The following PYGL variants were observed in gnomAD, a reference collection of about 807,000 sequenced individuals.
PYGL encodes glycogen phosphorylase L.
Under a neutral mutation model 100.1 loss-of-function variants are expected in PYGL, and 90 were observed. The ratio of observed to expected loss-of-function variants is 0.90; its 90% CI spans 0.76 to 1.07. The LOEUF is 1.07. PYGL is among the 50% of genes least tolerant of loss of function. The pLI is 0.00. For synonymous variants in PYGL, 373 were observed against 393.0 expected (o/e 0.95, Z 0.60); for missense variants, 1,016 against 1,057.6 (o/e 0.96, Z 0.55).
chr14:50,923,651 A>G (rs1175732789), intron 5 of PYGL: 3 of 240,654 alleles, frequency 1.2e-5, no homozygotes, highest in South Asian at 1.1e-4. Flanking sequence ...CAAAGAGGTA[A>G]GCATGCTGGT....
chr14:50,915,167 CCTTTT>C lies in PYGL; in HGVS notation c.1403+164_1403+168del, dbSNP rs200440132. 1,832 of 901,974 alleles carry C rather than the reference CCTTTT, an allele frequency of 2.0e-3. 13 individuals are homozygous for C. The African/African-American group carries it at 0.028, about 14-fold the overall frequency. 55.9% of individuals were successfully genotyped at this position (901,974 alleles called of 1,614,324 possible). ...CTGAGAGGAAAGCATTCTTTTCTTTCCTTTTCTTTTCTTTTTTTTTTTTAGGCAAG... is the reference window on the plus strand; with the variant it reads ...CTGAGAGGAAAGCATTCTTTTCTTTCCTTTTCTTTTTTTTTTTTAGGCAAG... On this transcript the variant is annotated intron_variant, in intron 11 of 19. Coordinates refer to ENST00000216392, the MANE Select transcript of PYGL (RefSeq NM_002863.5).
Position 50,916,734 on chromosome 14 carries a change from C to G in PYGL, c.1000G>C (p.Val334Leu), listed in dbSNP as rs2142798340. Reference sequence around the variant, plus strand: ...TGAGTGTCATTCAGCTGGATGGCCACCTGGGTGGGGAAAGACATCAACATG... The same window carrying G: ...TGAGTGTCATTCAGCTGGATGGCCAGCTGGGTGGGGAAAGACATCAACATG... ...GTVFDAFPDQ[V>L]AIQLNDTHPA... is the part of the protein sequence containing the mutation. The change falls in exon 9 of 20, where the codon GTG (valine) becomes CTG (leucine). Residue 334 changes from valine (V) to leucine (L), a missense_variant and splice_region_variant. By Grantham distance (32) the Val-to-Leu change is conservative. Coordinates refer to ENST00000216392, the MANE Select transcript of PYGL (RefSeq NM_002863.5). The G allele has an allele frequency of 6.2e-7, 1 of 1,613,346 alleles. No individual in the cohort carries two copies. The highest frequency in any genetic ancestry group is 1.1e-5 in the South Asian group (1 of 91,046).
intron 1 of PYGL, among the ~76,000 whole-genome samples, chr14:50,938,798 A>G (rs1034925560): frequency 8.5e-5 from 13 of 152,078 alleles, no homozygotes; most frequent in Admixed American, 3.3e-4. Flanking sequence ...CTGATCATGA[A>G]CCTCATGAAT....
rs3783274 is a variant in PYGL, at chr14:50,928,273, T to A, written c.528+3400A>T. Among the ~76,000 whole-genome samples the A allele has an allele frequency of 3.3e-5, 5 of 152,126 alleles. No homozygotes were observed. In the East Asian group the frequency reaches 7.7e-4, roughly 24 times the overall value. ...TCGACAAAGAACCAGTGAACAGTCA[T>A]CAGGAGAGCCCATGAACTTGGCTTT... On this transcript the variant is annotated intron_variant, in intron 4 of 19. Transcript: ENST00000216392.
At position 50,936,789 on chromosome 14, in the gene PYGL, TC is replaced by T. The variant is rs1302783177; in HGVS notation, c.345+946del. On this transcript the variant is annotated intron_variant, in intron 2 of 19. Transcript: ENST00000216392. ...CTGCGTAACAGGACGAGACTCCGTC[TC>T]AAAAAAAAAAAAAAGTATGATATAA... Among the ~76,000 whole-genome samples the T allele has an allele frequency of 8.4e-5, 11 of 131,084 alleles. No individual in the cohort carries two copies. In the East Asian group the frequency reaches 2.4e-3, roughly 29 times the overall value. 86.0% of individuals were successfully genotyped at this position (131,084 alleles called of 152,430 possible). A position where few individuals can be genotyped will look rare whatever the true frequency, so the allele number is the denominator to read the frequency against.
intron 10 of PYGL, 50 bp from the exon 11 acceptor site, chr14:50,915,549 C>T (rs1292521454): frequency 1.2e-6 from 2 of 1,604,964 alleles, no homozygotes; most frequent in Admixed American, 3.3e-5. Context: ...TTTAATGCAA[C>T]ATTGGGATAA....
chr14:50,929,457 A>G (rs1162115265), intron 4 of PYGL, among the ~76,000 whole-genome samples: 1 of 152,204 alleles, frequency 6.6e-6, no homozygotes, highest in Non-Finnish European at 1.5e-5. Context: ...GGAGAGAAAG[A>G]GATAGTTTCC....
At position 50,913,018 on chromosome 14, in the gene PYGL, G is replaced by A. The variant is rs768433434; in HGVS notation, c.1620+11C>T. The A allele has an allele frequency of 2.5e-6, 4 of 1,613,432 alleles. No individual in the cohort carries two copies. The highest frequency in any genetic ancestry group is 3.4e-6 in the Non-Finnish European group (4 of 1,179,490). On this transcript the variant is annotated intron_variant, in intron 13 of 19. Transcript: ENST00000216392. ...AGTGCCCAGGAGGGGACCCACACCTGGAAGGCTCACCTGCTTCACCTTGGC... is the reference window on the plus strand; with the variant it reads ...AGTGCCCAGGAGGGGACCCACACCTAGAAGGCTCACCTGCTTCACCTTGGC...
chr14:50,930,826 T>C (rs1235919664), intron 4 of PYGL, among the ~76,000 whole-genome samples: 3 of 152,092 alleles, frequency 2.0e-5, no homozygotes, highest in Admixed American at 1.3e-4. Flanking sequence ...CAATGGTGTA[T>C]GTATGAGACA....
chr14:50,934,565 T>C (rs1194566242), intron 3 of PYGL, among the ~76,000 whole-genome samples: 1 of 152,170 alleles, frequency 6.6e-6, no homozygotes, highest in Non-Finnish European at 1.5e-5. Context: ...ATATTTTCTA[T>C]GAATATATAT....
At chr14:50,928,169 G>C (rs1335570118) in intron 4 of PYGL, among the ~76,000 whole-genome samples, 1 of 152,200 alleles carries the variant, frequency 6.6e-6, no homozygotes, top group Non-Finnish European at 1.5e-5. Context: ...CCAGCCAGCA[G>C]GGATGGAGAG....
chr14:50,908,338 CTTTTA>C lies in PYGL; in HGVS notation c.2313-6_2313-2del. ...TTCGTAGTCTGCAAAGACTTTAAAC[CTTTTA>C]TTTTGTGAGTGGAAGAGGAAAAAAA... On this transcript the variant is annotated splice_acceptor_variant and splice_polypyrimidine_tract_variant and intron_variant, in intron 18 of 19. Coordinates refer to ENST00000216392, the MANE Select transcript of PYGL (RefSeq NM_002863.5). LOFTEE classifies it high-confidence loss of function. The C allele has an allele frequency of 8.2e-6, 13 of 1,592,850 alleles. No homozygotes were observed. The highest frequency in any genetic ancestry group is 1.0e-5 in the Non-Finnish European group (12 of 1,160,788).
At position 50,908,975 on chromosome 14, in the gene PYGL, G is replaced by T. The variant is rs1221948408; in HGVS notation, c.2178-20C>A. On this transcript the variant is annotated intron_variant, in intron 17 of 19. Coordinates refer to ENST00000216392, the MANE Select transcript of PYGL (RefSeq NM_002863.5). ...TCGTACCTGTGGGGTAGGGGTGGGTGGGTGATAAAAAAAGGCTCTGTTATT... is the reference window on the plus strand; with the variant it reads ...TCGTACCTGTGGGGTAGGGGTGGGTTGGTGATAAAAAAAGGCTCTGTTATT... 4 of 1,562,026 alleles carry T rather than the reference G, an allele frequency of 2.6e-6. No homozygotes were observed. In the South Asian group the frequency reaches 3.3e-5, roughly 13 times the overall value.
chr14:50,906,130 T>C (rs1358966837), intron 19 of PYGL, among the ~76,000 whole-genome samples: 1 of 152,224 alleles, frequency 6.6e-6, no homozygotes, highest in Non-Finnish European at 1.5e-5. Flanking sequence ...ACAGGGTCAA[T>C]TGAGTCTTTA....
chr14:50,908,222 T>A (rs150275482), intron 19 of PYGL, 49 bp downstream of exon 19: 1 of 1,449,890 alleles, frequency 6.9e-7, no homozygotes, highest in Admixed American at 1.7e-5. Context: ...CACATTTTAA[T>A]GAATCATAGT....
intron 1 of PYGL, among the ~76,000 whole-genome samples, chr14:50,940,117 G>C (rs1326972043): frequency 6.6e-6 from 1 of 152,090 alleles, no homozygotes; most frequent in East Asian, 1.9e-4. Flanking sequence ...ACCTTCTCTG[G>C]GGCAGACATA....
In PYGL at chr14:50,937,759, C is replaced by A. The variant is rs745625131; in HGVS notation, c.322G>T (p.Ala108Ser). ...NTMINLGLQN[A>S]CDEAIYQLGL... is the part of the protein sequence containing the mutation. ...ACCTGGTAAATGGCCTCATCACAGG[C>A]ATTTTGCAGACCGAGGTTGATCATG... The change falls in exon 2 of 20, where the codon GCC becomes TCC. Residue 108 changes from alanine (A) to serine (S), a missense_variant. By Grantham distance (99) the Ala-to-Ser change is moderately conservative. Transcript: ENST00000216392. 6.2e-7 allele frequency: 1 copy of A among 1,613,940 alleles called. No homozygotes were observed. Among genetic ancestry groups the A allele is most frequent in the African/African-American group, 1.3e-5 (1 of 75,022 alleles).
rs945523105 is a variant in PYGL at position 50,914,695 on chromosome 14, A to G, written c.1518+6T>C. On this transcript the variant is annotated splice_donor_region_variant and intron_variant, in intron 12 of 19. Transcript: ENST00000216392. Reference sequence around the variant, plus strand: ...GCCTCCTTTCCTCTCAGCACTTCCCAGTTACCTCTGCTATGAGCTCTGCAA... The same window carrying G: ...GCCTCCTTTCCTCTCAGCACTTCCCGGTTACCTCTGCTATGAGCTCTGCAA... The G allele has an allele frequency of 3.7e-6, 6 of 1,605,032 alleles. No individual in the cohort carries two copies. Among genetic ancestry groups the G allele is most frequent in the Non-Finnish European group, 5.1e-6 (6 of 1,171,894 alleles).
intron 4 of PYGL, among the ~76,000 whole-genome samples, chr14:50,929,906 T>G (rs992057279): frequency 6.6e-6 from 1 of 152,220 alleles, no homozygotes; most frequent in Admixed American, 6.5e-5. Flanking sequence ...ATATATTTCT[T>G]ACAGAAAATG....
Sources: allele counts gnomAD v4.1 joint callset (sites outside exome capture counted in the v4.1 genomes callset), GRCh38; gene constraint gnomAD v4.1.1; transcripts MANE v1.5; gene names NCBI Gene and HGNC (gene_info 2026-07-23, HGNC 2026-07-21).